CHMP4C: variants seen among roughly 807,000 people sequenced by gnomAD.
CHMP4C encodes charged multivesicular body protein 4C, also known as SNF7 homolog associated with Alix 3.
A neutral mutation model predicts 29.0 loss-of-function variants in CHMP4C; 28 were observed. The ratio of observed to expected loss-of-function variants is 0.97; its 90% CI spans 0.72 to 1.32. CHMP4C has a LOEUF of 1.32. Among genes scored for constraint, CHMP4C ranks in the 40% most tolerant of loss-of-function variants. The pLI is 0.00. For missense variants in CHMP4C, 291 were observed against 281.0 expected (o/e 1.04, Z -0.25); for synonymous variants, 106 against 102.4 (o/e 1.04, Z -0.21).
At chr8:81,733,038 G>A (rs1277887666) in intron 1 of CHMP4C, 1 of 409,072 alleles carries the variant, frequency 2.4e-6, no homozygotes. Flanking sequence ...CAGTAATCAA[G>A]ATGAACAATA....
chr8:81,752,381 G>A (rs2130493127), intron 1 of CHMP4C, among the ~76,000 whole-genome samples: 1 of 152,086 alleles, frequency 6.6e-6, no homozygotes, highest in East Asian at 1.9e-4. Context: ...AGGCAAGTTA[G>A]GTTATCTTGT....
rs968193480 is a variant in CHMP4C, at chr8:81,732,897, G to C, written c.190+81G>C. 27 of 1,354,736 alleles carry C rather than the reference G, an allele frequency of 2.0e-5. No individual in the cohort carries two copies. In the African/African-American group the frequency reaches 3.9e-4, roughly 20 times the overall value. The allele number at this position is 1,354,736 out of a possible 1,614,324, so 83.9% of individuals were successfully genotyped here. On this transcript the variant is annotated intron_variant, in intron 1 of 4. Transcript: ENST00000297265. ...GGGGACAATCGGCCCACACCACTGAGGTCCCCAGGTGGCCAGGTTTGCTCC... is the reference window on the plus strand; with the variant it reads ...GGGGACAATCGGCCCACACCACTGACGTCCCCAGGTGGCCAGGTTTGCTCC...
intron 1 of CHMP4C, among the ~76,000 whole-genome samples, chr8:81,750,797 G>A (rs1808892621): frequency 6.6e-6 from 1 of 151,918 alleles, no homozygotes; most frequent in Non-Finnish European, 1.5e-5. Context: ...AGAAATAATA[G>A]GATACAATTT....
chr8:81,758,401 A>G (rs1023424476), intron 4 of CHMP4C, 79 bp from the exon 5 acceptor site: 11 of 1,544,980 alleles, frequency 7.1e-6, no homozygotes, highest in East Asian at 2.2e-5. Flanking sequence ...ACACATTTTT[A>G]TATGTAATTC....
chr8:81,737,280 A>G (rs1243015352), intron 1 of CHMP4C, among the ~76,000 whole-genome samples: 1 of 152,112 alleles, frequency 6.6e-6, no homozygotes, highest in Non-Finnish European at 1.5e-5. Flanking sequence ...GGGATCAGGC[A>G]TCTGTTTTTT....
intron 1 of CHMP4C, among the ~76,000 whole-genome samples, chr8:81,752,521 A>G (rs1278214703): frequency 6.6e-6 from 1 of 152,140 alleles, no homozygotes; most frequent in Admixed American, 6.6e-5. Flanking sequence ...TCACGGTTAG[A>G]TGTAACCTCA....
chr8:81,753,087 AAG>A lies in CHMP4C; in HGVS notation c.216_217del (p.Lys73GlufsTer10). 1 of 1,611,162 alleles carries A rather than the reference AAG, an allele frequency of 6.2e-7. No homozygotes were observed. Among genetic ancestry groups the A allele is most frequent in the Non-Finnish European group, 8.5e-7 (1 of 1,178,598 alleles). On this transcript the variant is annotated frameshift_variant, in exon 2 of 5. Transcript: ENST00000297265. LOFTEE classifies it high-confidence loss of function. ...AGCTGCATTACAGGCACTAAAGAGA[AAG>A]AAGAGGTTCGAGAAACAGCTCACTC... Reference protein sequence around the residue: ...KRAALQALKRKKRFEKQLTQI... With the variant: ...KRAALQALKRXKRFEKQLTQI...
Position 81,746,657 on chromosome 8 carries a change from T to C in CHMP4C, c.191-6407T>C, listed in dbSNP as rs548011849. Among the ~76,000 whole-genome samples, 4 of 152,324 alleles carry C rather than the reference T, an allele frequency of 2.6e-5. No individual in the cohort carries two copies. In the East Asian group the frequency reaches 5.8e-4, roughly 22 times the overall value. ...GTTTGGGACTCTGGTTGGGCCAACA[T>C]GTAGTGTGTGGTATGGGAATTACAG... On this transcript the variant is annotated intron_variant, in intron 1 of 4. Coordinates refer to ENST00000297265, the MANE Select transcript of CHMP4C (RefSeq NM_152284.4).
rs947496214 is a variant in CHMP4C, at chr8:81,758,608, C to A, written c.*64C>A. The A allele has an allele frequency of 1.3e-4, 140 of 1,103,500 alleles. No individual in the cohort carries two copies. Among genetic ancestry groups the A allele is most frequent in the Non-Finnish European group, 1.8e-4 (130 of 729,162 alleles). 68.4% of individuals were successfully genotyped at this position (1,103,500 alleles called of 1,614,324 possible). ...AGATAAAATATAAAAAATGTTTTTACCAAGTTCAGAAGTTAACAAAGACTC... is the reference window on the plus strand; with the variant it reads ...AGATAAAATATAAAAAATGTTTTTAACAAGTTCAGAAGTTAACAAAGACTC... On this transcript the variant is annotated 3_prime_UTR_variant, in exon 5 of 5. Transcript: ENST00000297265.
rs776597850 is a variant in CHMP4C, at chr8:81,758,434, G to C, written c.638-46G>C. The C allele has an allele frequency of 1.0e-5, 16 of 1,554,566 alleles. No homozygotes were observed. The East Asian group carries it at 2.9e-4, about 28-fold the overall frequency. ...TTCATACCTGTTTTCTATGCTGAAA[G>C]TGTGAATGTCACCAATTACTAATTT... is the stretch of plus-strand genomic sequence containing the variant. On this transcript the variant is annotated intron_variant, in intron 4 of 4. Transcript: ENST00000297265.
Position 81,758,772 on chromosome 8 carries a change from G to A in CHMP4C, c.*228G>A, listed in dbSNP as rs933309539. The A allele has an allele frequency of 2.1e-6, 1 of 465,484 alleles. No individual in the cohort carries two copies. The highest frequency in any genetic ancestry group is 3.8e-6 in the Non-Finnish European group (1 of 263,598). The allele number at this position is 465,484 out of a possible 1,614,324, so 28.8% of individuals were successfully genotyped here. A position where few individuals can be genotyped will look rare whatever the true frequency, so the allele number is the denominator to read the frequency against. ...TGCCTATAATCCCAGCACTTTGGGAGGCTGAGGCAGTTGAGACCAGGAGTT... is the reference window on the plus strand; with the variant it reads ...TGCCTATAATCCCAGCACTTTGGGAAGCTGAGGCAGTTGAGACCAGGAGTT... On this transcript the variant is annotated 3_prime_UTR_variant, in exon 5 of 5. Transcript: ENST00000297265.
chr8:81,755,578 G>C, intron 3 of CHMP4C, 94 bp downstream of exon 3: 1 of 620,380 alleles, frequency 1.6e-6, no homozygotes, highest in Non-Finnish European at 2.9e-6. Context: ...ACTACTGAAA[G>C]AACAAGTGAT....
chr8:81,748,167 G>A (rs949642121), intron 1 of CHMP4C, among the ~76,000 whole-genome samples: 9 of 152,086 alleles, frequency 5.9e-5, no homozygotes, highest in East Asian at 1.9e-4. Context: ...TGTTCTGCCC[G>A]GCTCACTGGC....
chr8:81,739,366 G>T (rs1287498979), intron 1 of CHMP4C, among the ~76,000 whole-genome samples: 1 of 112,618 alleles, frequency 8.9e-6, no homozygotes, highest in Non-Finnish European at 1.7e-5. Context: ...GTGTGCCTTT[G>T]ATTTTCTGAT....
chr8:81,742,453 A>G (rs886617493), intron 1 of CHMP4C, among the ~76,000 whole-genome samples: 1 of 152,246 alleles, frequency 6.6e-6, no homozygotes, highest in East Asian at 1.9e-4. Flanking sequence ...AATAAAGTTT[A>G]CATGTGTATG....
At chr8:81,735,347 A>G (rs1808674809) in intron 1 of CHMP4C, among the ~76,000 whole-genome samples, 1 of 152,208 alleles carries the variant, frequency 6.6e-6, no homozygotes, top group African/African-American at 2.4e-5. Flanking sequence ...AAAGAATTCA[A>G]TCTTAGGCTC....
intron 1 of CHMP4C, among the ~76,000 whole-genome samples, chr8:81,734,511 A>G (rs1025461442): frequency 5.3e-5 from 8 of 152,084 alleles, no homozygotes; most frequent in Non-Finnish European, 8.8e-5. Context: ...TATATTTTTA[A>G]TAGAGACAGG....
chr8:81,736,521 C>G (rs2130472642), intron 1 of CHMP4C, among the ~76,000 whole-genome samples: 1 of 152,194 alleles, frequency 6.6e-6, no homozygotes, highest in South Asian at 2.1e-4. Flanking sequence ...TTCCAATACC[C>G]TCCGCACCCA....
intron 1 of CHMP4C, among the ~76,000 whole-genome samples, chr8:81,742,948 A>G (rs1264573595): frequency 1.3e-5 from 2 of 152,166 alleles, no homozygotes; most frequent in African/African-American, 2.4e-5. Flanking sequence ...AACATTAAAG[A>G]ATAGTATAGT....
Sources: allele counts gnomAD v4.1 joint callset (sites outside exome capture counted in the v4.1 genomes callset), GRCh38; gene constraint gnomAD v4.1.1; transcripts MANE v1.5; gene names NCBI Gene and HGNC (gene_info 2026-07-23, HGNC 2026-07-21).